SLC25A21: variants seen among roughly 807,000 people sequenced by gnomAD.
The protein encoded by SLC25A21 is mitochondrial 2-oxodicarboxylate carrier.
In SLC25A21, 47 loss-of-function variants were observed where a neutral mutation model predicts 43.8. That is an observed-to-expected ratio of 1.07 (90% CI 0.85 to 1.37). The LOEUF is 1.37. Ranked by LOEUF, SLC25A21 falls within the 40% of genes most tolerant of loss-of-function variation. The pLI is 0.00. For missense variants in SLC25A21, 352 were observed against 350.2 expected, an observed-to-expected ratio of 1.00 and a Z score of -0.04; for synonymous variants, 131 against 121.3, an observed-to-expected ratio of 1.08 and a Z score of -0.52.
In SLC25A21 at chr14:36,680,579, C is replaced by T. The variant is rs1882192109; in HGVS notation, c.*79G>A. 9 of 1,518,064 alleles carry T rather than the reference C, an allele frequency of 5.9e-6. No homozygotes were observed. The Admixed American group carries it at 6.2e-5, about 10-fold the overall frequency. The allele number at this position is 1,518,064 out of a possible 1,614,324, so 94.0% of individuals were successfully genotyped here. A position where few individuals can be genotyped will look rare whatever the true frequency, so the allele number is the denominator to read the frequency against. On this transcript the variant is annotated 3_prime_UTR_variant, in exon 10 of 10. Transcript: ENST00000331299. ...TCTCCTTCATAATTATACACCTGGC[C>T]GATCGATAGTCTCTCTTCTTCATGG...
chr14:36,829,291 A>C (rs1054936126), intron 2 of SLC25A21, among the ~76,000 whole-genome samples: 18 of 152,168 alleles, frequency 1.2e-4, no homozygotes, highest in African/African-American at 3.9e-4. Context: ...TTCCAGCTGA[A>C]TTTGGTTAAT....
At chr14:37,091,557 T>C (rs1325746629) in intron 1 of SLC25A21, among the ~76,000 whole-genome samples, 1 of 152,078 alleles carries the variant, frequency 6.6e-6, no homozygotes, top group East Asian at 1.9e-4. Flanking sequence ...AAGGACCTTC[T>C]TACAGTATGA....
At chr14:36,884,760 G>A (rs1289409774) in intron 1 of SLC25A21, among the ~76,000 whole-genome samples, 1 of 152,042 alleles carries the variant, frequency 6.6e-6, no homozygotes, top group African/African-American at 2.4e-5. Context: ...ATGTCTGTTG[G>A]CTGCCTGTAT....
At chr14:36,931,962 T>C (rs1306900362) in intron 1 of SLC25A21, among the ~76,000 whole-genome samples, 1 of 152,146 alleles carries the variant, frequency 6.6e-6, no homozygotes, top group Non-Finnish European at 1.5e-5. Context: ...TTACAAGAGA[T>C]GATTACGACA....
At chr14:36,891,079 T>A (rs188385607) in intron 1 of SLC25A21, among the ~76,000 whole-genome samples, 1 of 152,264 alleles carries the variant, frequency 6.6e-6, no homozygotes, top group Non-Finnish European at 1.5e-5. Context: ...CAAGACAAGG[T>A]TAGATACCAA....
intron 1 of SLC25A21, among the ~76,000 whole-genome samples, chr14:37,135,207 C>T (rs549586287): frequency 6.6e-6 from 1 of 152,104 alleles, no homozygotes; most frequent in Admixed American, 6.5e-5. Flanking sequence ...GGATTTCAGG[C>T]GTAAGCCACC....
chr14:36,853,655 G>A lies in SLC25A21; in HGVS notation c.119+21301C>T, dbSNP rs560716567. Among the ~76,000 whole-genome samples, 178 of 152,268 alleles carry A rather than the reference G, an allele frequency of 1.2e-3. 2 individuals carry two copies. The highest frequency in any genetic ancestry group is 0.01 in the Middle Eastern group (3 of 294). On this transcript the variant is annotated intron_variant, in intron 2 of 9. Transcript: ENST00000331299. ...ATGCGCTTACTCTACTAAATAGTTG[G>A]TTATACAGAAAAACATGTTTTGACG...
At chr14:36,730,212 G>A (rs1016048093) in intron 4 of SLC25A21, among the ~76,000 whole-genome samples, 36 of 152,260 alleles carry the variant, frequency 2.4e-4, no homozygotes, top group African/African-American at 8.2e-4. Context: ...GGTATTGTTG[G>A]TTTCTTCAGT....
intron 3 of SLC25A21, among the ~76,000 whole-genome samples, chr14:36,808,647 C>G (rs371079151): frequency 6.6e-6 from 1 of 152,018 alleles, no homozygotes; most frequent in African/African-American, 2.4e-5. Flanking sequence ...GTTATACCTG[C>G]GTGGCTTTGG....
At chr14:37,020,087 A>G (rs368728258) in intron 1 of SLC25A21, among the ~76,000 whole-genome samples, 2 of 152,096 alleles carry the variant, frequency 1.3e-5, no homozygotes, top group East Asian at 3.9e-4. Context: ...TTCTAAAGTT[A>G]AACTCTTATA....
chr14:36,912,544 T>C (rs1891717488), intron 1 of SLC25A21, among the ~76,000 whole-genome samples: 1 of 152,236 alleles, frequency 6.6e-6, no homozygotes, highest in Non-Finnish European at 1.5e-5. Context: ...GCTAGTCTCA[T>C]TGGAAAGGTA....
At chr14:37,040,369 G>C (rs963752324) in intron 1 of SLC25A21, among the ~76,000 whole-genome samples, 1 of 28,282 alleles carries the variant, frequency 3.5e-5, no homozygotes, top group Non-Finnish European at 5.5e-5. Context: ...AAGAGAGAGA[G>C]AGAGAGAAAG....
intron 6 of SLC25A21, among the ~76,000 whole-genome samples, chr14:36,724,798 T>C (rs1228572076): frequency 6.6e-6 from 1 of 152,170 alleles, no homozygotes; most frequent in Non-Finnish European, 1.5e-5. Flanking sequence ...TATCAGAATC[T>C]TCCAGGATGG....
At chr14:36,785,199 G>A (rs1175768930) in intron 3 of SLC25A21, among the ~76,000 whole-genome samples, 1 of 152,182 alleles carries the variant, frequency 6.6e-6, no homozygotes, top group Non-Finnish European at 1.5e-5. Flanking sequence ...TGGCACACAG[G>A]TGGATGCTTG....
chr14:36,889,495 A>T (rs1891019127), intron 1 of SLC25A21, among the ~76,000 whole-genome samples: 1 of 152,078 alleles, frequency 6.6e-6, no homozygotes. Context: ...AATTAATTTG[A>T]TTGATGTTAG....
At chr14:37,039,911 G>A (rs1249553542) in intron 1 of SLC25A21, among the ~76,000 whole-genome samples, 2 of 152,006 alleles carry the variant, frequency 1.3e-5, no homozygotes, top group South Asian at 2.1e-4. Context: ...GTAGTTACAG[G>A]GGGCTGGGCG....
At chr14:36,827,192 T>C (rs1888865625) in intron 2 of SLC25A21, among the ~76,000 whole-genome samples, 1 of 152,232 alleles carries the variant, frequency 6.6e-6, no homozygotes, top group African/African-American at 2.4e-5. Context: ...TAGACTTTCA[T>C]AGATGTTTAG....
Position 37,068,385 on chromosome 14 carries a change from G to A in SLC25A21, c.70+103896C>T, listed in dbSNP as rs113030270. Among the ~76,000 whole-genome samples the A allele has an allele frequency of 2.1e-3, 317 of 152,340 alleles. 2 individuals are homozygous for A. Among genetic ancestry groups the A allele is most frequent in the African/African-American group, 7.1e-3 (297 of 41,574 alleles). ...AGTTCTCTGTGGGTCAGAGGAAAGAGTGTCTTAACTGTGAAAGCACTATAA... is the reference window on the plus strand; with the variant it reads ...AGTTCTCTGTGGGTCAGAGGAAAGAATGTCTTAACTGTGAAAGCACTATAA... On this transcript the variant is annotated intron_variant, in intron 1 of 9. Transcript: ENST00000331299.
In SLC25A21 at chr14:37,122,966, T is replaced by A. The variant is rs116570000; in HGVS notation, c.70+49315A>T. Among the ~76,000 whole-genome samples the A allele has an allele frequency of 2.6e-3, 391 of 152,328 alleles. 1 individual carries two copies. Among genetic ancestry groups the A allele is most frequent in the African/African-American group, 9.1e-3 (380 of 41,584 alleles). The stretch of plus-strand genomic sequence containing the variant: ...GCTACTATATCTTAGGCATCTAAAA[T>A]CCAATATCAAATAGATACTTGCTTC... On this transcript the variant is annotated intron_variant, in intron 1 of 9. Transcript: ENST00000331299.
Sources: gnomAD v4.1 joint callset for allele counts (sites outside exome capture counted in the v4.1 genomes callset) on GRCh38, gnomAD v4.1.1 for gene constraint, MANE v1.5 for transcripts, NCBI Gene and HGNC (gene_info 2026-07-23, HGNC 2026-07-21) for gene names.